The following EXOC4 variants were observed in gnomAD, a reference collection of about 807,000 sequenced individuals.
EXOC4 encodes the protein exocyst complex component 4, also known as SEC8-like 1.
In EXOC4, 71 loss-of-function variants were observed where a neutral mutation model predicts 107.2. The ratio of observed to expected loss-of-function variants is 0.66; its 90% CI spans 0.55 to 0.81. The LOEUF (loss-of-function observed/expected upper bound fraction) is 0.81, where lower values mean the gene tolerates loss of function less well. Among genes scored for constraint, EXOC4 ranks in the 30% least tolerant of loss-of-function variants. The pLI is 0.00. For missense variants in EXOC4, 1,108 were observed against 1,189.6 expected, an observed-to-expected ratio of 0.93 and a Z score of 1.01; for synonymous variants, 456 against 441.2, an observed-to-expected ratio of 1.03 and a Z score of -0.42.
At chr7:133,470,089 TTTTG>T (rs1212261245) in intron 7 of EXOC4, among the ~76,000 whole-genome samples, 1 of 151,760 alleles carries the variant, frequency 6.6e-6, no homozygotes. Context: ...GAGGAGAGGG[TTTTG>T]TAAGCTGAAA....
At chr7:133,380,031 T>C (rs949666572) in intron 7 of EXOC4, among the ~76,000 whole-genome samples, 3 of 151,754 alleles carry the variant, frequency 2.0e-5, no homozygotes, top group African/African-American at 4.8e-5. Flanking sequence ...TAGGTGGGAA[T>C]TGAACAATGA....
At chr7:134,088,618 C>T in the EXOC4 span, among the ~76,000 whole-genome samples, 4 of 152,112 alleles carry the variant, frequency 2.6e-5, no homozygotes, top group East Asian at 1.9e-4. Flanking sequence ...AAAGTTGTTT[C>T]GTCTATTCTA....
At chr7:133,747,337 A>G (rs1795697647) in intron 10 of EXOC4, among the ~76,000 whole-genome samples, 1 of 152,190 alleles carries the variant, frequency 6.6e-6, no homozygotes, top group South Asian at 2.1e-4. Context: ...AAAGTAATGT[A>G]GTCCAGAATA....
chr7:133,342,586 A>G (rs931639462), intron 5 of EXOC4, among the ~76,000 whole-genome samples: 3 of 152,132 alleles, frequency 2.0e-5, no homozygotes, highest in African/African-American at 7.2e-5. Flanking sequence ...AGGCCAGGGA[A>G]ATTTTCCTTG....
intron 10 of EXOC4, among the ~76,000 whole-genome samples, chr7:133,781,492 T>G (rs1277241318): frequency 2.6e-5 from 4 of 152,260 alleles, no homozygotes; most frequent in African/African-American, 9.6e-5. Context: ...TCAGTTAGTC[T>G]CTGGGTTTGT....
chr7:133,253,407 C>G, intron 1 of EXOC4: 1 of 1,313,586 alleles, frequency 7.6e-7, no homozygotes, highest in South Asian at 2.2e-5. Context: ...CCGCCTCAGT[C>G]TTTTCTTTAG....
intron 13 of EXOC4, among the ~76,000 whole-genome samples, chr7:133,922,947 C>A (rs1304923291): frequency 6.7e-6 from 1 of 149,650 alleles, no homozygotes; most frequent in Non-Finnish European, 1.5e-5. Flanking sequence ...CTGCTGGGCT[C>A]TTGGAACTAT....
At chr7:133,281,422 A>G (rs922745159) in intron 2 of EXOC4, among the ~76,000 whole-genome samples, 1 of 150,774 alleles carries the variant, frequency 6.6e-6, no homozygotes, top group East Asian at 1.9e-4. Context: ...GAGAAAACCT[A>G]TGATAGTACT....
chr7:133,584,067 G>A (rs1209664618), intron 9 of EXOC4, among the ~76,000 whole-genome samples: 1 of 152,104 alleles, frequency 6.6e-6, no homozygotes, highest in Non-Finnish European at 1.5e-5. Flanking sequence ...GTTTAACTTT[G>A]GTGGAAGAAG....
chr7:133,839,830 A>G (rs1379096882), intron 11 of EXOC4, among the ~76,000 whole-genome samples: 1 of 152,182 alleles, frequency 6.6e-6, no homozygotes, highest in Admixed American at 6.5e-5. Flanking sequence ...CAGTTCATGC[A>G]CTTATTTAGC....
At chr7:133,341,098 A>T (rs1462064880) in intron 5 of EXOC4, among the ~76,000 whole-genome samples, 4 of 151,778 alleles carry the variant, frequency 2.6e-5, no homozygotes, top group Non-Finnish European at 4.4e-5. Flanking sequence ...TTCTTGATTC[A>T]CTGCTTCCTT....
intron 9 of EXOC4, among the ~76,000 whole-genome samples, chr7:133,515,947 A>G (rs913431614): frequency 1.1e-4 from 17 of 152,184 alleles, no homozygotes; most frequent in Admixed American, 3.9e-4. Flanking sequence ...GGTTTCATCA[A>G]TCTGAATAGA....
chr7:134,068,870 A>G (rs1319305838), downstream of EXOC4, among the ~76,000 whole-genome samples: 3 of 152,192 alleles, frequency 2.0e-5, no homozygotes, highest in Admixed American at 2.0e-4. Flanking sequence ...TGAATTTCGT[A>G]GCACTAATGC....
chr7:133,865,183 C>G (rs1236279253), intron 11 of EXOC4, among the ~76,000 whole-genome samples: 1 of 151,626 alleles, frequency 6.6e-6, no homozygotes, highest in African/African-American at 2.4e-5. Context: ...AAGGTGGATT[C>G]TAAGATTTTT....
At chr7:133,929,520 CAATTTT>C (rs1317923349) in intron 13 of EXOC4, among the ~76,000 whole-genome samples, 2 of 151,676 alleles carry the variant, frequency 1.3e-5, no homozygotes, top group African/African-American at 4.8e-5. Context: ...ACTTTTTTGC[CAATTTT>C]ACACAAAGCA....
intron 11 of EXOC4, among the ~76,000 whole-genome samples, chr7:133,834,031 A>C (rs1024728105): frequency 1.3e-5 from 2 of 152,152 alleles, no homozygotes; most frequent in Non-Finnish European, 2.9e-5. Context: ...CCTTGAATGC[A>C]CAGTGACCCC....
intron 9 of EXOC4, among the ~76,000 whole-genome samples, chr7:133,590,555 A>T (rs1276105739): frequency 1.3e-5 from 2 of 152,148 alleles, no homozygotes; most frequent in Non-Finnish European, 1.5e-5. Context: ...CCACTGGCAG[A>T]GGAGCAGGGC....
chr7:134,096,307 G>A, the EXOC4 span, among the ~76,000 whole-genome samples: 286 of 152,254 alleles, frequency 1.9e-3, 1 homozygote, highest in African/African-American at 6.4e-3. Flanking sequence ...GTGGTGTGCT[G>A]CTTTTCACTT....
At chr7:133,528,260 A>G (rs946905829) in intron 9 of EXOC4, among the ~76,000 whole-genome samples, 7 of 152,184 alleles carry the variant, frequency 4.6e-5, no homozygotes, top group Non-Finnish European at 1.5e-5. Context: ...TGGAACTCTG[A>G]GCCTTGATCT....
Sources: allele counts gnomAD v4.1 joint callset (sites outside exome capture counted in the v4.1 genomes callset), GRCh38; gene constraint gnomAD v4.1.1; transcripts MANE v1.5; gene names NCBI Gene and HGNC (gene_info 2026-07-23, HGNC 2026-07-21).